The following SP140 variants were observed in gnomAD, a reference collection of about 807,000 sequenced individuals.
SP140 encodes nuclear body protein SP140.
A neutral mutation model predicts 125.0 loss-of-function variants in SP140; 81 were observed. The observed-to-expected ratio is 0.65, with a 90% CI of 0.54 to 0.78. SP140 has a LOEUF of 0.78. SP140 is among the 30% of genes least tolerant of loss of function. The pLI, the probability that SP140 is intolerant of heterozygous loss-of-function variation, is 0.00. For synonymous variants in SP140, 312 were observed against 354.0 expected, an observed-to-expected ratio of 0.88 and a Z score of 1.33; for missense variants, 858 against 1,037.0, an observed-to-expected ratio of 0.83 and a Z score of 2.37.
intron 1 of SP140, among the ~76,000 whole-genome samples, chr2:230,204,030 G>GA (rs1458420186): frequency 6.6e-6 from 1 of 151,978 alleles, no homozygotes; most frequent in Admixed American, 6.5e-5. Context: ...TAAAAAATTG[G>GA]AAAATTGGAA....
intron 15 of SP140, among the ~76,000 whole-genome samples, chr2:230,282,565 T>C (rs939764781): frequency 2.6e-5 from 4 of 152,058 alleles, no homozygotes; most frequent in Non-Finnish European, 5.9e-5. Flanking sequence ...GGGAGGCCAA[T>C]ACAGGAGGAT....
rs1379974994 is a variant in SP140, at chr2:230,237,008, G to C, written c.60-75G>C. The C allele has an allele frequency of 2.5e-6, 3 of 1,213,728 alleles. No homozygotes were observed. The highest frequency in any genetic ancestry group is 1.1e-6 in the Non-Finnish European group (1 of 887,168). 75.2% of individuals were successfully genotyped at this position (1,213,728 alleles called of 1,614,324 possible). A position where few individuals can be genotyped will look rare whatever the true frequency, so the allele number is the denominator to read the frequency against. ...TGGCTCTCCATTGGCCATCCTTCAT[G>C]TCTAAAATCTTCTAACCACCACAAA... On this transcript the variant is annotated intron_variant, in intron 1 of 26. Coordinates refer to ENST00000392045, the MANE Select transcript of SP140 (RefSeq NM_007237.5). This position sits in a 1 kb window ranked among gnomAD's most constrained non-coding sequence, Gnocchi z 5.4.
Position 230,287,996 on chromosome 2 carries a change from A to G in SP140, c.1720+30A>G, listed in dbSNP as rs1238593926. On this transcript the variant is annotated intron_variant, in intron 18 of 26. Transcript: ENST00000392045. ...AAAAGAAAACAGGAATGAACTTTCA[A>G]TAACTAAACATCTAATTTCCTGTGC... 7 of 1,554,904 alleles carry G rather than the reference A, an allele frequency of 4.5e-6. No homozygotes were observed. In the African/African-American group the frequency reaches 6.8e-5, roughly 15 times the overall value.
At chr2:230,244,237 G>A (rs1001122611) in intron 5 of SP140, among the ~76,000 whole-genome samples, 1 of 152,130 alleles carries the variant, frequency 6.6e-6, no homozygotes, top group Non-Finnish European at 1.5e-5. Flanking sequence ...AAAGAATTTT[G>A]GCAAACAAGA....
chr2:230,289,594 C>G (rs777952779), intron 18 of SP140, among the ~76,000 whole-genome samples: 4 of 152,196 alleles, frequency 2.6e-5, no homozygotes, highest in Non-Finnish European at 4.4e-5. Context: ...CCTGACTTAG[C>G]CTCCCAAGTA....
In SP140 at chr2:230,238,212, G is replaced by A. The variant is rs2048249676; in HGVS notation, c.238-1G>A. The A allele has an allele frequency of 6.3e-7, 1 of 1,587,116 alleles. No individual in the cohort carries two copies. The highest frequency in any genetic ancestry group is 8.6e-7 in the Non-Finnish European group (1 of 1,167,800). On this transcript the variant is annotated splice_acceptor_variant, in intron 2 of 26. Transcript: ENST00000392045. LOFTEE classifies it high-confidence loss of function. ...ATAATTCTCCATTTAATATTTTTAA[G>A]CATTTTCAAGAAGCTTTTAGAAACC...
At position 230,238,248 on chromosome 2, in the gene SP140, G is replaced by A; in HGVS notation, c.273G>A (p.Val91=). ...AAGCTTTTAGAAACCTGGTCCCAGT[G>A]ACAAGAGTGATGTATTGTGTACTCA... The part of the protein sequence containing the change: ...FQEAFRNLVP[V]TRVMYCVLSE... The change falls in exon 3 of 27, where the codon GTG becomes GTA. Residue 91 remains valine (V), a synonymous_variant. Transcript: ENST00000392045. 1 of 1,604,302 alleles carries A rather than the reference G, an allele frequency of 6.2e-7. No homozygotes were observed. The highest frequency in any genetic ancestry group is 1.1e-5 in the South Asian group (1 of 89,238).
chr2:230,307,340 G>T (rs569486748), intron 22 of SP140, among the ~76,000 whole-genome samples: 2 of 152,332 alleles, frequency 1.3e-5, no homozygotes, highest in African/African-American at 4.8e-5. Context: ...GCTGAATGGT[G>T]AGGCTAAAAG....
At chr2:230,228,049 A>G (rs1404140922) in intron 1 of SP140, among the ~76,000 whole-genome samples, 1 of 152,110 alleles carries the variant, frequency 6.6e-6, no homozygotes, top group Admixed American at 6.5e-5. Context: ...ATTTAATACT[A>G]TACATTTCCT....
At chr2:230,238,187 A>G (rs1049178793) in intron 2 of SP140, 26 bp from the exon 3 acceptor site, 2 of 1,545,072 alleles carry the variant, frequency 1.3e-6, no homozygotes, top group African/African-American at 2.8e-5. Context: ...CTCTAGCTAC[A>G]TAATTCTCCA....
chr2:230,191,946 T>A, the SP140 span, among the ~76,000 whole-genome samples: 1 of 152,170 alleles, frequency 6.6e-6, no homozygotes, highest in Non-Finnish European at 1.5e-5. Flanking sequence ...CATGATCAAG[T>A]CGGTTTCATC....
intron 1 of SP140, among the ~76,000 whole-genome samples, chr2:230,230,193 AG>A (rs1463127533): frequency 6.6e-6 from 1 of 152,150 alleles, no homozygotes; most frequent in African/African-American, 2.4e-5. Flanking sequence ...TTAGGCAGAC[AG>A]GGGGCTGGGG....
At chr2:230,295,221 G>A (rs999642855) in intron 21 of SP140, among the ~76,000 whole-genome samples, 4 of 152,224 alleles carry the variant, frequency 2.6e-5, no homozygotes, top group Non-Finnish European at 5.9e-5. Context: ...GTAGAAATAC[G>A]CATTCAAGAC....
At chr2:230,298,059 T>G (rs954250966) in intron 22 of SP140, among the ~76,000 whole-genome samples, 3 of 152,178 alleles carry the variant, frequency 2.0e-5, no homozygotes, top group African/African-American at 7.2e-5. Context: ...CTGAGCTGGT[T>G]AGGACTGAAA....
intron 21 of SP140, 141 bp downstream of exon 21, chr2:230,294,459 C>A: frequency 3.2e-6 from 2 of 631,074 alleles, no homozygotes; most frequent in Non-Finnish European, 5.6e-6. Flanking sequence ...ATACTTTTTG[C>A]ATGTATTCCT....
intron 1 of SP140, among the ~76,000 whole-genome samples, chr2:230,233,001 T>C (rs187665744): frequency 6.6e-6 from 1 of 152,330 alleles, no homozygotes; most frequent in East Asian, 1.9e-4. Context: ...GTTATGTCTC[T>C]TGTAGTTAGA....
At position 230,243,749 on chromosome 2, in the gene SP140, A is replaced by G. The variant is rs750765321; in HGVS notation, c.509A>G (p.His170Arg). ...TCGGCAGAGAACAGCAATGCCTGTC[A>G]TGAAATGGATGATATAGCAGTGCCT... ...YGKQENSNAC[H>R]EMDDIAVPQE... Residue 170 changes from histidine (H) to arginine (R), a missense_variant, in exon 5 of 27, where the codon CAT (histidine) becomes CGT (arginine). Transcript: ENST00000392045. 3 of 1,612,782 alleles carry G rather than the reference A, an allele frequency of 1.9e-6. No homozygotes were observed. The highest frequency in any genetic ancestry group is 2.2e-5 in the East Asian group (1 of 44,874).
intron 15 of SP140, among the ~76,000 whole-genome samples, chr2:230,277,168 A>G (rs1265387237): frequency 6.6e-6 from 1 of 152,164 alleles, no homozygotes; most frequent in Non-Finnish European, 1.5e-5. Context: ...CTACAGAGAA[A>G]TCTTTCAGGA....
chr2:230,246,333 T>A (rs1367665912), intron 7 of SP140, among the ~76,000 whole-genome samples: 2 of 152,180 alleles, frequency 1.3e-5, no homozygotes, highest in Non-Finnish European at 2.9e-5. Context: ...ATCTGAGTGA[T>A]TGCCAGTTTT....
Sources: allele counts gnomAD v4.1 joint callset (sites outside exome capture counted in the v4.1 genomes callset), GRCh38; gene constraint gnomAD v4.1.1; non-coding constraint Gnocchi (gnomAD v3.1); transcripts MANE v1.5; gene names NCBI Gene and HGNC (gene_info 2026-07-23, HGNC 2026-07-21).